Variants in UGGT2 observed in about 807,000 individuals in gnomAD.
UGGT2 encodes UDP-glucose:glycoprotein glucosyltransferase 2.
UGGT2 carries 180 observed loss-of-function variants against 192.1 expected under a neutral mutation model. The ratio of observed to expected loss-of-function variants is 0.94; its 90% CI spans 0.83 to 1.06. The LOEUF (loss-of-function observed/expected upper bound fraction) is 1.06, where lower values mean the gene tolerates loss of function less well. Among genes scored for constraint, UGGT2 ranks in the 50% least tolerant of loss-of-function variants. The pLI is 0.00. For missense variants in UGGT2, 1,849 were observed against 1,795.7 expected, an observed-to-expected ratio of 1.03 and a Z score of -0.54; for synonymous variants, 580 against 591.0, an observed-to-expected ratio of 0.98 and a Z score of 0.27.
chr13:95,840,725 C>T (rs1887772766), intron 36 of UGGT2, among the ~76,000 whole-genome samples: 1 of 152,170 alleles, frequency 6.6e-6, no homozygotes, highest in Non-Finnish European at 1.5e-5. Flanking sequence ...GATGATAAAT[C>T]ATTCTACTAT....
At chr13:95,924,828 G>T (rs532169111) in intron 20 of UGGT2, among the ~76,000 whole-genome samples, 2 of 152,282 alleles carry the variant, frequency 1.3e-5, no homozygotes, top group African/African-American at 4.8e-5. Flanking sequence ...CTCCTGCAGT[G>T]GCATGTAAGT....
At chr13:95,942,881 C>T (rs921434527) in intron 15 of UGGT2, among the ~76,000 whole-genome samples, 2 of 152,134 alleles carry the variant, frequency 1.3e-5, no homozygotes, top group African/African-American at 4.8e-5. Context: ...GAGGTCCTAA[C>T]TTCTAAATGT....
At chr13:95,931,175 G>A (rs1432598014) in intron 17 of UGGT2, among the ~76,000 whole-genome samples, 3 of 152,132 alleles carry the variant, frequency 2.0e-5, no homozygotes, top group Non-Finnish European at 4.4e-5. Flanking sequence ...AGCCACAAAA[G>A]TTCTCCAAGT....
intron 20 of UGGT2, among the ~76,000 whole-genome samples, chr13:95,906,922 G>A (rs564084616): frequency 1.3e-5 from 2 of 152,184 alleles, no homozygotes; most frequent in Non-Finnish European, 2.9e-5. Context: ...ATCTCAATGG[G>A]ACTGGTTGGA....
chr13:95,814,363 T>C (rs1884716693), intron 38 of UGGT2, among the ~76,000 whole-genome samples: 1 of 152,192 alleles, frequency 6.6e-6, no homozygotes, highest in African/African-American at 2.4e-5. Context: ...TTCATATCAG[T>C]GTACTTGGAT....
At chr13:95,819,576 C>CA (rs1885286101) in intron 38 of UGGT2, among the ~76,000 whole-genome samples, 1 of 151,978 alleles carries the variant, frequency 6.6e-6, no homozygotes, top group Admixed American at 6.6e-5. Flanking sequence ...AAAGAGAATG[C>CA]ATCTTCTCTT....
At chr13:95,825,965 A>G (rs3101570) in intron 38 of UGGT2, among the ~76,000 whole-genome samples, 123,541 of 151,930 alleles carry the variant, frequency 0.81, 51,098 homozygotes, top group East Asian at 0.94. Context: ...GCCAACCTGT[A>G]GGGCCAAGTG....
intron 20 of UGGT2, among the ~76,000 whole-genome samples, chr13:95,906,196 A>G (rs1463009979): frequency 6.6e-6 from 1 of 152,170 alleles, no homozygotes; most frequent in Non-Finnish European, 1.5e-5. Flanking sequence ...AAAAATTTCC[A>G]GTGTTCGATA....
intron 4 of UGGT2, among the ~76,000 whole-genome samples, chr13:96,022,542 T>C (rs551457): frequency 0.36 from 54,226 of 151,540 alleles, 10,517 homozygotes; most frequent in East Asian, 0.45. Context: ...TTTATTATTT[T>C]TTAAAGTATA....
At chr13:96,042,037 A>T (rs2053179932) in intron 1 of UGGT2, among the ~76,000 whole-genome samples, 1 of 152,112 alleles carries the variant, frequency 6.6e-6, no homozygotes, top group South Asian at 2.1e-4. Flanking sequence ...GCTCTATTGA[A>T]AAGGCCACCT....
At chr13:95,812,907 C>A (rs1387400644) in intron 38 of UGGT2, among the ~76,000 whole-genome samples, 1 of 152,090 alleles carries the variant, frequency 6.6e-6, no homozygotes, top group Non-Finnish European at 1.5e-5. Context: ...ATGCACAACT[C>A]CGTGAATACC....
chr13:95,850,014 C>T (rs954366943), intron 36 of UGGT2, among the ~76,000 whole-genome samples: 13 of 150,992 alleles, frequency 8.6e-5, no homozygotes, highest in Non-Finnish European at 1.9e-4. Flanking sequence ...ATTTGTATAC[C>T]TTTTATTTCC....
intron 30 of UGGT2, among the ~76,000 whole-genome samples, chr13:95,863,959 G>A (rs1890404518): frequency 6.6e-6 from 1 of 152,010 alleles, no homozygotes; most frequent in African/African-American, 2.4e-5. Flanking sequence ...GCTTACCCTT[G>A]TGTTTACTAA....
chr13:95,811,611 AG>A (rs1884586741), intron 38 of UGGT2, among the ~76,000 whole-genome samples: 1 of 152,190 alleles, frequency 6.6e-6, no homozygotes, highest in African/African-American at 2.4e-5. Flanking sequence ...TGAATTGTAA[AG>A]TATGTGAATT....
chr13:95,893,900 C>G (rs1430654317), intron 24 of UGGT2, among the ~76,000 whole-genome samples: 2 of 152,166 alleles, frequency 1.3e-5, no homozygotes, highest in Non-Finnish European at 2.9e-5. Flanking sequence ...TCCTTGGACC[C>G]TTGGTCCACG....
chr13:95,875,148 G>T (rs929946160), intron 29 of UGGT2, among the ~76,000 whole-genome samples: 19 of 152,120 alleles, frequency 1.2e-4, no homozygotes, highest in African/African-American at 4.6e-4. Context: ...CATTTTAATA[G>T]ATATGTGGCA....
intron 20 of UGGT2, among the ~76,000 whole-genome samples, chr13:95,924,768 T>C (rs772918572): frequency 5.9e-5 from 9 of 152,138 alleles, no homozygotes; most frequent in Non-Finnish European, 1.2e-4. Flanking sequence ...AACAGGTCTA[T>C]GTGGCAATGG....
At chr13:95,992,848 T>C (rs2051500041) in intron 7 of UGGT2, among the ~76,000 whole-genome samples, 1 of 152,180 alleles carries the variant, frequency 6.6e-6, no homozygotes, top group Non-Finnish European at 1.5e-5. Flanking sequence ...GATCAGCCAC[T>C]GCAAAAAGCA....
chr13:95,928,885 T>A (rs1046225497), intron 17 of UGGT2, among the ~76,000 whole-genome samples: 1 of 152,178 alleles, frequency 6.6e-6, no homozygotes, highest in East Asian at 1.9e-4. Flanking sequence ...ATCATGCCAC[T>A]GCACTCCAGC....
Sources: gnomAD v4.1 joint callset for allele counts (sites outside exome capture counted in the v4.1 genomes callset) on GRCh38, gnomAD v4.1.1 for gene constraint, MANE v1.5 for transcripts, NCBI Gene and HGNC (gene_info 2026-07-23, HGNC 2026-07-21) for gene names.